Variants in AP1M2 observed in about 807,000 individuals in gnomAD.
The protein encoded by AP1M2 is AP-1 complex subunit mu-2.
Under a neutral mutation model 54.6 loss-of-function variants are expected in AP1M2, and 41 were observed. The observed-to-expected ratio is 0.75, with a 90% CI of 0.59 to 0.97. The LOEUF (loss-of-function observed/expected upper bound fraction) is 0.97. Ranked by LOEUF, AP1M2 falls within the 50% of genes least tolerant of loss-of-function variation. The probability of loss-of-function intolerance (pLI) is 0.00; values close to 1 mark genes in which losing one functional copy is unlikely to be tolerated. For synonymous variants in AP1M2, 219 were observed against 215.9 expected, an observed-to-expected ratio of 1.01 and a Z score of -0.13; for missense variants, 507 against 561.2, an observed-to-expected ratio of 0.90 and a Z score of 0.98.
chr19:10,586,006 G>A (rs968195154), intron 1 of AP1M2, among the ~76,000 whole-genome samples: 2 of 152,052 alleles, frequency 1.3e-5, no homozygotes, highest in South Asian at 2.1e-4. Flanking sequence ...GGGTGCGGCC[G>A]GGCGCAGTGG....
intron 9 of AP1M2, 115 bp from the exon 10 acceptor site, chr19:10,575,144 T>C: frequency 8.4e-7 from 1 of 1,185,778 alleles, no homozygotes. Context: ...GACAGGAAAA[T>C]AAAGGCTCCT....
intron 9 of AP1M2, among the ~76,000 whole-genome samples, chr19:10,576,695 G>A (rs1393767649): frequency 2.6e-5 from 4 of 151,456 alleles, no homozygotes; most frequent in Non-Finnish European, 5.9e-5. Flanking sequence ...CACCATGTCT[G>A]GCCTTTTAAT....
rs1917375178 is a variant in AP1M2, at chr19:10,579,844, A to G, written c.688T>C (p.Ser230Pro). 6.2e-7 allele frequency: 1 copy of G among 1,609,862 alleles called. No homozygotes were observed. The highest frequency in any genetic ancestry group is 8.5e-7 in the Non-Finnish European group (1 of 1,177,884). Residue 230 changes from serine to proline, a missense_variant, in exon 7 of 12, where the codon TCA becomes CCA. Ser to Pro is a moderately conservative substitution (Grantham distance 74). Coordinates refer to ENST00000250244, the MANE Select transcript of AP1M2 (RefSeq NM_005498.5). ...AATTTTACATCCTCCAGCTCTACTG[A>G]TTTGTTCTTGCTGCCTGAAACTCAG... ...FELTGRSKNK[S>P]VELEDVKFHQ...
intron 11 of AP1M2, 44 bp from the exon 12 acceptor site, chr19:10,573,132 AG>A: frequency 1.3e-6 from 2 of 1,541,880 alleles, no homozygotes; most frequent in Non-Finnish European, 1.8e-6. Flanking sequence ...AAATGGGGAG[AG>A]GGGGGCCGGG....
chr19:10,577,287 C>T lies in AP1M2; in HGVS notation c.958G>A (p.Ala320Thr), dbSNP rs1917270313. 1 of 1,612,624 alleles carries T rather than the reference C, an allele frequency of 6.2e-7. No individual in the cohort carries two copies. The highest frequency in any genetic ancestry group is 8.5e-7 in the Non-Finnish European group (1 of 1,179,426). ...CTGGTCTTGAATCTGGGGGAGTCGG[C>T]ATCGCTGGGTACAGGCACAGATATC... ...VEISVPVPSD[A>T]DSPRFKTSVG... Residue 320 changes from alanine (A) to threonine (T), a missense_variant, in exon 9 of 12, where the codon GCC becomes ACC. Coordinates refer to ENST00000250244, the MANE Select transcript of AP1M2 (RefSeq NM_005498.5).
rs765510447 is a variant in AP1M2 at position 10,581,470 on chromosome 19, G to T, written c.546+17C>A. 1 of 1,612,984 alleles carries T rather than the reference G, an allele frequency of 6.2e-7. No individual in the cohort carries two copies. The highest frequency in any genetic ancestry group is 1.3e-5 in the African/African-American group (1 of 75,026). ...GCCAGGCCGTGGAAGGGGTGCCGGG[G>T]AGGTGTGCAGGCTCACCAGCAGGTT... On this transcript the variant is annotated intron_variant, in intron 5 of 11. Coordinates refer to ENST00000250244, the MANE Select transcript of AP1M2 (RefSeq NM_005498.5).
chr19:10,573,280 A>C (rs1209706514), intron 11 of AP1M2, among the ~76,000 whole-genome samples, 192 bp from the exon 12 acceptor site: 1 of 152,006 alleles, frequency 6.6e-6, no homozygotes, highest in East Asian at 1.9e-4. Context: ...TTAGCTGGGT[A>C]TGATGGTGCA....
intron 6 of AP1M2, 106 bp downstream of exon 6, chr19:10,581,160 C>A: frequency 6.9e-7 from 1 of 1,455,508 alleles, no homozygotes; most frequent in South Asian, 1.4e-5. Context: ...AGATGGTGAG[C>A]GAGCGCTTAT....
intron 1 of AP1M2, among the ~76,000 whole-genome samples, chr19:10,585,313 AAGAAAGAAAGAAAGAAAGAAAG>A (rs1568434825): frequency 6.8e-6 from 1 of 147,450 alleles, no homozygotes; most frequent in Non-Finnish European, 1.5e-5. Flanking sequence ...GAAAGAAAGA[AAGAAAGAAAGAAAGAAAGAAAG>A]AAAGAAAGAA....
Position 10,583,959 on chromosome 19 carries a change from G to T in AP1M2, c.154C>A (p.His52Asn), listed in dbSNP as rs377223246. The stretch of plus-strand genomic sequence containing the variant: ...ATCCATAGGAAGTGGACCTGGCCGT[G>T]GCTCAGCAGCGGGGCCAGGGCGCCT... ...EEGALAPLLSHGQVHFLWIKH... is the reference protein window; with the variant it reads ...EEGALAPLLSNGQVHFLWIKH... Residue 52 changes from histidine to asparagine, a missense_variant, in exon 2 of 12, where the codon CAC becomes AAC. Coordinates refer to ENST00000250244, the MANE Select transcript of AP1M2 (RefSeq NM_005498.5). 6 of 1,603,634 alleles carry T rather than the reference G, an allele frequency of 3.7e-6. No homozygotes were observed. The highest frequency in any genetic ancestry group is 5.1e-6 in the Non-Finnish European group (6 of 1,175,408).
rs373357882 is a variant in AP1M2, at chr19:10,581,588, C to T, written c.445G>A (p.Val149Met). ...SNKLETGKSR[V>M]PPTVTNAVSW... ...ACAGCGTTGGTGACAGTGGGTGGCA[C>T]CCGTGACTTGCCCGTCTCCAGCTTG... The change falls in exon 5 of 12, where the codon GTG becomes ATG. Residue 149 changes from valine to methionine, a missense_variant. Physicochemically the swap from Val to Met is conservative, Grantham distance 21. Coordinates refer to ENST00000250244, the MANE Select transcript of AP1M2 (RefSeq NM_005498.5). The T allele has an allele frequency of 4.0e-5, 65 of 1,613,666 alleles. No homozygotes were observed. The highest frequency in any genetic ancestry group is 3.0e-4 in the Admixed American group (18 of 59,924).
intron 1 of AP1M2, among the ~76,000 whole-genome samples, chr19:10,584,700 C>T (rs1917573660): frequency 6.6e-6 from 1 of 151,602 alleles, no homozygotes; most frequent in Admixed American, 6.6e-5. Context: ...AGGCTGGCTA[C>T]TAAAAAAAGA....
At chr19:10,583,834 C>A in intron 2 of AP1M2, 80 bp downstream of exon 2, 1 of 1,523,162 alleles carries the variant, frequency 6.6e-7, no homozygotes, top group Non-Finnish European at 8.9e-7. Flanking sequence ...TGTCCTCAGC[C>A]CACCCTCTCT....
At chr19:10,576,783 T>G (rs1024514105) in intron 9 of AP1M2, among the ~76,000 whole-genome samples, 7 of 151,576 alleles carry the variant, frequency 4.6e-5, no homozygotes, top group African/African-American at 1.5e-4. Flanking sequence ...CTCAGCTCAC[T>G]GCAACCTCTG....
In AP1M2 at chr19:10,587,192, T is replaced by C. The variant is rs1430483644; in HGVS notation, c.40A>G (p.Lys14Glu). 6.4e-7 allele frequency: 1 copy of C among 1,558,098 alleles called. No homozygotes were observed. The highest frequency in any genetic ancestry group is 8.7e-7 in the Non-Finnish European group (1 of 1,150,792). The part of the protein sequence containing the change: ...SAVFILDVKG[K>E]PLISRNYKGD... ...CAACTCCTCATGCCCAGCCTCACCT[T>C]GCCCTTAACGTCCAGAATGAAGACA... is the stretch of plus-strand genomic sequence containing the variant. The change falls in exon 1 of 12, where the codon AAG becomes GAG. Residue 14 changes from lysine (K) to glutamate (E), a missense_variant and splice_region_variant. Transcript: ENST00000250244.
At chr19:10,577,132 T>C in intron 9 of AP1M2, 66 bp downstream of exon 9, 2 of 1,532,858 alleles carry the variant, frequency 1.3e-6, no homozygotes, top group Non-Finnish European at 1.8e-6. Context: ...TCATGGCTCC[T>C]GGGCAGCCCC....
At chr19:10,575,974 A>G (rs1917218096) in intron 9 of AP1M2, among the ~76,000 whole-genome samples, 1 of 146,218 alleles carries the variant, frequency 6.8e-6, no homozygotes, top group African/African-American at 2.5e-5. Context: ...GGGGTTTCAC[A>G]GTGTTAGCCA....
At chr19:10,586,356 G>A (rs1243663599) in intron 1 of AP1M2, among the ~76,000 whole-genome samples, 5 of 149,892 alleles carry the variant, frequency 3.3e-5, no homozygotes, top group Non-Finnish European at 5.9e-5. Flanking sequence ...TCGGGAGGCT[G>A]AGGCAGGAGA....
chr19:10,577,438 T>TTTC, intron 8 of AP1M2, 82 bp from the exon 9 acceptor site: 7 of 1,296,094 alleles, frequency 5.4e-6, no homozygotes, highest in Non-Finnish European at 7.1e-6. Context: ...TTTTTTTTTT[T>TTTC]TTTTTTTTTT....
Sources: gnomAD v4.1 joint callset for allele counts (sites outside exome capture counted in the v4.1 genomes callset) on GRCh38, gnomAD v4.1.1 for gene constraint, MANE v1.5 for transcripts, NCBI Gene and HGNC (gene_info 2026-07-23, HGNC 2026-07-21) for gene names.